Variants in EPHA10 observed in about 807,000 individuals in gnomAD.
EPHA10 encodes EPH receptor A10, also known as ephrin type-A receptor 10.
In EPHA10, 120 loss-of-function variants were observed where a neutral mutation model predicts 109.7. The observed-to-expected ratio is 1.09, with a 90% confidence interval of 0.94 to 1.27. The LOEUF (loss-of-function observed/expected upper bound fraction) is 1.27. Ranked by LOEUF, EPHA10 falls within the 50% of genes most tolerant of loss-of-function variation. The pLI, the probability that EPHA10 is intolerant of heterozygous loss-of-function variation, is 0.00. For synonymous variants in EPHA10, 640 were observed against 618.9 expected (o/e 1.03, Z -0.51); for missense variants, 1,396 against 1,411.1 (o/e 0.99, Z 0.17).
In EPHA10 at chr1:37,753,244, C is replaced by T; in HGVS notation, c.1007-18G>A. 3 of 818,704 alleles carry T rather than the reference C, an allele frequency of 3.7e-6. No homozygotes were observed. Among genetic ancestry groups the T allele is most frequent in the Non-Finnish European group, 4.2e-6 (3 of 717,624 alleles). 50.7% of individuals were successfully genotyped at this position (818,704 alleles called of 1,614,324 possible). A position where few individuals can be genotyped will look rare whatever the true frequency, so the allele number is the denominator to read the frequency against. ...CGGCGGCCCTGAGGCGGCACAGGGG[C>T]GGGGCGGTCAGGGCGGGGCGTGGGT... On this transcript the variant is annotated intron_variant, in intron 4 of 16. Coordinates refer to ENST00000373048, the MANE Select transcript of EPHA10 (RefSeq NM_001099439.2).
chr1:37,732,754 G>A (rs1027045669), intron 6 of EPHA10, among the ~76,000 whole-genome samples: 1 of 151,982 alleles, frequency 6.6e-6, no homozygotes, highest in African/African-American at 2.4e-5. Flanking sequence ...GGCTCCAGAG[G>A]GGAGCTGCCA....
chr1:37,718,031 G>A lies in EPHA10; in HGVS notation c.*341C>T, dbSNP rs1471927663. The A allele has an allele frequency of 2.9e-5, 10 of 347,290 alleles. No individual in the cohort carries two copies. The East Asian group carries it at 3.8e-4, about 13-fold the overall frequency. 21.5% of individuals were successfully genotyped at this position (347,290 alleles called of 1,614,324 possible). On this transcript the variant is annotated 3_prime_UTR_variant, in exon 17 of 17. Coordinates refer to ENST00000373048, the MANE Select transcript of EPHA10 (RefSeq NM_001099439.2). ...CCCCCAGTGGGTACAAATGGCAGTA[G>A]GGCATGAGCCAGGGCAATCTCAACC...
In EPHA10 at chr1:37,754,299, C is replaced by T; in HGVS notation, c.922G>A (p.Ala308Thr). ...CAGAAGGTGGAGGCGTTTTCCAGGG[C>T]CCGGCTGTGCTCTGGGCACGGTGAG... ...LCSPCPEHSRALENASTFCVC... is the reference protein window; with the variant it reads ...LCSPCPEHSRTLENASTFCVC... Residue 308 changes from alanine (A) to threonine (T), a missense_variant, in exon 4 of 17, where the codon GCC becomes ACC. Transcript: ENST00000373048. This position sits in a 1 kb window ranked among gnomAD's most constrained non-coding sequence, Gnocchi z 4.5. 7.6e-7 allele frequency: 1 copy of T among 1,321,128 alleles called. No individual in the cohort carries two copies. Among genetic ancestry groups the T allele is most frequent in the Non-Finnish European group, 9.7e-7 (1 of 1,029,646 alleles). 81.8% of individuals were successfully genotyped at this position (1,321,128 alleles called of 1,614,324 possible).
At chr1:37,741,085 C>T (rs1362447815) in intron 5 of EPHA10, among the ~76,000 whole-genome samples, 1 of 152,170 alleles carries the variant, frequency 6.6e-6, no homozygotes, top group East Asian at 1.9e-4. Context: ...GGTTAGCCCA[C>T]TATTGGTCCA....
downstream of EPHA10, chr1:37,715,825 C>A (rs760291819): frequency 2.0e-6 from 1 of 496,914 alleles, no homozygotes; most frequent in South Asian, 1.6e-5. Flanking sequence ...CCTGGGACAT[C>A]TTTCACGGCA....
rs752150780 is a variant in EPHA10 at position 37,720,387 on chromosome 1, G to A, written c.2376C>T (p.Gly792=). 5.6e-6 allele frequency: 9 copies of A among 1,612,542 alleles called. No homozygotes were observed. The highest frequency in any genetic ancestry group is 1.1e-5 in the South Asian group (1 of 90,958). ...LVCKISGFGR[G]PRDRSEAVYT... ...AGACAGCCTCTGATCGGTCCCGGGG[G>A]CCCCGCCCGAAGCCAGAGATCTTGC... The change falls in exon 13 of 17, where the codon GGC becomes GGT. Residue 792 remains glycine (G), a synonymous_variant. Transcript: ENST00000373048.
chr1:37,716,304 AC>A lies in EPHA10; in HGVS notation c.*2067del. The A allele has an allele frequency of 4.0e-6, 1 of 249,956 alleles. No homozygotes were observed. The highest frequency in any genetic ancestry group is 7.7e-6 in the Non-Finnish European group (1 of 129,216). 15.5% of individuals were successfully genotyped at this position (249,956 alleles called of 1,614,324 possible). A position where few individuals can be genotyped will look rare whatever the true frequency, so the allele number is the denominator to read the frequency against. Reference sequence around the variant, plus strand: ...CACAGCCAGGGGCCCTTCTGCAGAAACAGCTGGGGTAGGGGGAGGAGATTTT... The same window carrying A: ...CACAGCCAGGGGCCCTTCTGCAGAAAAGCTGGGGTAGGGGGAGGAGATTTT... On this transcript the variant is annotated 3_prime_UTR_variant, in exon 17 of 17. Transcript: ENST00000373048.
intron 5 of EPHA10, 82 bp downstream of exon 5, chr1:37,752,794 G>T: frequency 2.9e-6 from 3 of 1,042,892 alleles, no homozygotes; most frequent in Non-Finnish European, 3.6e-6. Context: ...TGGGGCTCCC[G>T]CAGGACCGAC....
rs114656548 is a variant in EPHA10, at chr1:37,734,574, A to G, written c.1491+683T>C. 6.0e-3 allele frequency: 2,724 copies of G among 453,002 alleles called. 23 individuals carry two copies. The highest frequency in any genetic ancestry group is 0.011 in the Non-Finnish European group (2,387 of 225,996). The allele number at this position is 453,002 out of a possible 1,614,324, so 28.1% of individuals were successfully genotyped here. On this transcript the variant is annotated intron_variant, in intron 6 of 16. Coordinates refer to ENST00000373048, the MANE Select transcript of EPHA10 (RefSeq NM_001099439.2). ...AATAAATAAATAATAAAGGTAATAA[A>G]CTTACGGGGAAAAGAGCAGATTGGG...
In EPHA10 at chr1:37,720,006, T is replaced by C. The variant is rs760839982; in HGVS notation, c.2465A>G (p.His822Arg). 3 of 1,613,908 alleles carry C rather than the reference T, an allele frequency of 1.9e-6. No homozygotes were observed. Among genetic ancestry groups the C allele is most frequent in the South Asian group, 1.1e-5 (1 of 91,074 alleles). ...CCACACGTCACTGGCAGAGCTGAAG[T>C]GGCCAAACTGAAGTGTCTCGGGAGC... ...WAAPETLQFG[H>R]FSSASDVWSF... Residue 822 changes from histidine to arginine, a missense_variant, in exon 14 of 17, where the codon CAC becomes CGC. Coordinates refer to ENST00000373048, the MANE Select transcript of EPHA10 (RefSeq NM_001099439.2).
intron 7 of EPHA10, among the ~76,000 whole-genome samples, chr1:37,728,459 AC>A (rs1169939427): frequency 6.6e-6 from 1 of 152,190 alleles, no homozygotes; most frequent in Non-Finnish European, 1.5e-5. Flanking sequence ...TGGGAAAAGT[AC>A]TAAGTGGCCC....
chr1:37,721,915 A>C, intron 10 of EPHA10, 70 bp from the exon 11 acceptor site: 1 of 1,393,628 alleles, frequency 7.2e-7, no homozygotes. Context: ...GGCTGAGCCG[A>C]GGAGAAAGTG....
At chr1:37,737,351 A>G (rs1374689036) in intron 5 of EPHA10, among the ~76,000 whole-genome samples, 2 of 152,188 alleles carry the variant, frequency 1.3e-5, no homozygotes, top group African/African-American at 4.8e-5. Context: ...GAGTCCTCAC[A>G]CTTCCTTACT....
intron 4 of EPHA10, among the ~76,000 whole-genome samples, chr1:37,753,613 G>GT (rs1255654195): frequency 6.6e-6 from 1 of 151,626 alleles, no homozygotes; most frequent in African/African-American, 2.4e-5. Context: ...TGGTCAGTCA[G>GT]TGAGGGGTCG....
chr1:37,728,748 G>A (rs1645934829), intron 7 of EPHA10, among the ~76,000 whole-genome samples: 1 of 152,182 alleles, frequency 6.6e-6, no homozygotes, highest in Admixed American at 6.5e-5. Flanking sequence ...AGGAACAGAA[G>A]ACGAGAGTTA....
intron 3 of EPHA10, among the ~76,000 whole-genome samples, chr1:37,759,781 C>A (rs1332784808): frequency 1.4e-5 from 2 of 138,330 alleles, no homozygotes; most frequent in Non-Finnish European, 3.1e-5. Flanking sequence ...GCAACATAGA[C>A]AAACCCCCAT....
chr1:37,763,393 A>G (rs964859708), intron 1 of EPHA10, among the ~76,000 whole-genome samples: 1 of 152,302 alleles, frequency 6.6e-6, no homozygotes, highest in African/African-American at 2.4e-5. Context: ...TACAAGGACC[A>G]TTGTGATTAT....
chr1:37,762,004 T>C lies in EPHA10; in HGVS notation c.251A>G (p.Gln84Arg). ...YQVCNVLEPN[Q>R]DNWLQTGWIS... ...CCAGCCAGTCTGCAGCCAGTTGTCC[T>C]GGTTGGGCTCCAGCACATTGCACAC... Residue 84 changes from glutamine (Q) to arginine (R), a missense_variant, in exon 3 of 17, where the codon CAG becomes CGG. Gln to Arg is a conservative substitution (Grantham distance 43). Transcript: ENST00000373048. The C allele has an allele frequency of 6.2e-7, 1 of 1,614,170 alleles. No individual in the cohort carries two copies.
intron 5 of EPHA10, among the ~76,000 whole-genome samples, chr1:37,747,600 A>G (rs1431083964): frequency 6.6e-6 from 1 of 151,298 alleles, no homozygotes; most frequent in Admixed American, 6.6e-5. Context: ...TGGTATTAAT[A>G]AAGATAAAAT....
Sources: gnomAD v4.1 joint callset for allele counts (sites outside exome capture counted in the v4.1 genomes callset) on GRCh38, gnomAD v4.1.1 for gene constraint, Gnocchi (gnomAD v3.1) non-coding constraint, MANE v1.5 for transcripts, NCBI Gene and HGNC (gene_info 2026-07-23, HGNC 2026-07-21) for gene names.